The following EIPR1 variants were observed in gnomAD, a reference collection of about 807,000 sequenced individuals.
The protein encoded by EIPR1 is EARP and GARP complex-interacting protein 1.
In EIPR1, 25 loss-of-function variants were observed where a neutral mutation model predicts 48.1. That is an observed-to-expected ratio of 0.52 (90% CI 0.38 to 0.73). EIPR1 has a LOEUF of 0.73. Among genes scored for constraint, EIPR1 ranks in the 30% least tolerant of loss-of-function variants. The pLI is 0.00. For synonymous variants in EIPR1, 204 were observed against 201.9 expected (o/e 1.01, Z -0.09); for missense variants, 415 against 506.2 (o/e 0.82, Z 1.73).
At chr2:3,330,893 C>CGTGT (rs1669871883) in intron 3 of EIPR1, among the ~76,000 whole-genome samples, 4 of 122,134 alleles carry the variant, frequency 3.3e-5, no homozygotes, top group East Asian at 3.3e-4. Flanking sequence ...GACAGGTGCA[C>CGTGT]ACACTCATGA....
At chr2:3,277,615 T>C (rs2103254473) in intron 3 of EIPR1, among the ~76,000 whole-genome samples, 1 of 152,328 alleles carries the variant, frequency 6.6e-6, no homozygotes, top group Non-Finnish European at 1.5e-5. Flanking sequence ...CTGGTTCCTT[T>C]TCTCATTAAT....
chr2:3,287,700 A>C (rs143683456), intron 3 of EIPR1, among the ~76,000 whole-genome samples: 1 of 130,338 alleles, frequency 7.7e-6, no homozygotes, highest in East Asian at 2.6e-4. Flanking sequence ...CAGAAAGCTC[A>C]TTCACCACGC....
intron 3 of EIPR1, among the ~76,000 whole-genome samples, chr2:3,303,775 A>G (rs955173036): frequency 9.2e-5 from 14 of 152,152 alleles, no homozygotes; most frequent in African/African-American, 3.4e-4. Context: ...TGCGCCCGGG[A>G]AGCTTCGCCC....
intron 5 of EIPR1, among the ~76,000 whole-genome samples, chr2:3,209,218 CCTT>C (rs1233554775): frequency 2.6e-5 from 4 of 152,158 alleles, no homozygotes; most frequent in East Asian, 3.9e-4. Flanking sequence ...CCTGGGGTCT[CCTT>C]CTGCCTCATT....
chr2:3,344,906 GT>G (rs1387366731), intron 2 of EIPR1, among the ~76,000 whole-genome samples: 2 of 151,964 alleles, frequency 1.3e-5, no homozygotes, highest in Non-Finnish European at 2.9e-5. Flanking sequence ...TCTTTTTCCA[GT>G]GCTTATGAGC....
chr2:3,217,222 G>A (rs1665669241), intron 4 of EIPR1, among the ~76,000 whole-genome samples: 1 of 152,188 alleles, frequency 6.6e-6, no homozygotes, highest in Admixed American at 6.5e-5. Flanking sequence ...ATAACCTAGG[G>A]CAGTTCGTTT....
Position 3,196,761 on chromosome 2 carries a change from G to C in EIPR1, c.653+120C>G, listed in dbSNP as rs535265759. 9.3e-6 allele frequency: 13 copies of C among 1,391,914 alleles called. No homozygotes were observed. The African/African-American group carries it at 1.9e-4, about 20-fold the overall frequency. 86.2% of individuals were successfully genotyped at this position (1,391,914 alleles called of 1,614,324 possible). A position where few individuals can be genotyped will look rare whatever the true frequency, so the allele number is the denominator to read the frequency against. On this transcript the variant is annotated intron_variant, in intron 6 of 8. Transcript: ENST00000382125. The stretch of plus-strand genomic sequence containing the variant: ...GATTTATGATTTCCTACAAAAACGA[G>C]ATAAAGACAAACCATGCGCCCCCAA...
At chr2:3,363,546 G>T (rs531442350) in intron 1 of EIPR1, among the ~76,000 whole-genome samples, 1 of 151,980 alleles carries the variant, frequency 6.6e-6, no homozygotes, top group African/African-American at 2.4e-5. Context: ...AAATATAAAA[G>T]TCAGCCAAGT....
chr2:3,266,780 G>A (rs1667502463), intron 3 of EIPR1, among the ~76,000 whole-genome samples: 1 of 152,256 alleles, frequency 6.6e-6, no homozygotes, highest in African/African-American at 2.4e-5. Context: ...TAGCCCAGAT[G>A]GAGCTGCAGC....
chr2:3,280,711 GCTTCCACAATAT>G (rs1667989573), intron 3 of EIPR1, among the ~76,000 whole-genome samples: 1 of 152,208 alleles, frequency 6.6e-6, no homozygotes, highest in East Asian at 1.9e-4. Flanking sequence ...CACTGGCATG[GCTTCCACAATAT>G]GGCTCCTAGA....
In EIPR1 at chr2:3,202,575, G is replaced by C. The variant is rs375173303; in HGVS notation, c.517-5558C>G. Among the ~76,000 whole-genome samples, 5 of 152,340 alleles carry C rather than the reference G, an allele frequency of 3.3e-5. No homozygotes were observed. In the South Asian group the frequency reaches 1.0e-3, roughly 32 times the overall value. ...TTTAGAAGGTAATGCAAATTCGGCA[G>C]AGTGGCCTGGACAAGTTCTTGATGA... is the stretch of plus-strand genomic sequence containing the variant. On this transcript the variant is annotated intron_variant, in intron 5 of 8. Coordinates refer to ENST00000382125, the MANE Select transcript of EIPR1 (RefSeq NM_003310.5).
chr2:3,289,745 TACGCAATTCAC>T (rs1408057508), intron 3 of EIPR1, among the ~76,000 whole-genome samples: 4 of 152,224 alleles, frequency 2.6e-5, no homozygotes, highest in Admixed American at 2.6e-4. Flanking sequence ...AGACACATGA[TACGCAATTCAC>T]ACTTAGTGTC....
At chr2:3,229,589 ATGTTCACAG>A (rs1666173510) in intron 4 of EIPR1, among the ~76,000 whole-genome samples, 4 of 152,230 alleles carry the variant, frequency 2.6e-5, no homozygotes, top group Admixed American at 2.0e-4. Context: ...AGGCTGTTGA[ATGTTCACAG>A]TTCCTTTCAA....
At chr2:3,369,980 G>A (rs1319211424) in intron 1 of EIPR1, among the ~76,000 whole-genome samples, 1 of 145,708 alleles carries the variant, frequency 6.9e-6, no homozygotes, top group Non-Finnish European at 1.5e-5. Context: ...TAACTGGGAG[G>A]CACCCCCCCC....
Position 3,312,056 on chromosome 2 carries a change from A to T in EIPR1, c.259+25961T>A, listed in dbSNP as rs1304761351. Among the ~76,000 whole-genome samples, 1 of 152,142 alleles carries T rather than the reference A, an allele frequency of 6.6e-6. No individual in the cohort carries two copies. Among genetic ancestry groups the T allele is most frequent in the Non-Finnish European group, 1.5e-5 (1 of 68,018 alleles). ...TCCACCCTATAGCTTTCATTGACCC[A>T]AGATAACTGTGTGTTGGAGCCACAA... On this transcript the variant is annotated intron_variant, in intron 3 of 8. Coordinates refer to ENST00000382125, the MANE Select transcript of EIPR1 (RefSeq NM_003310.5). The surrounding 1 kb of genome is among the most constrained non-coding windows in gnomAD (Gnocchi z 5.5).
At chr2:3,369,080 G>A (rs897760006) in intron 1 of EIPR1, among the ~76,000 whole-genome samples, 1 of 152,088 alleles carries the variant, frequency 6.6e-6, no homozygotes, top group African/African-American at 2.4e-5. Context: ...CTGCAATGAT[G>A]GTTCTTCAAA....
intron 2 of EIPR1, among the ~76,000 whole-genome samples, chr2:3,341,392 G>C (rs1389769579): frequency 6.6e-6 from 1 of 152,184 alleles, no homozygotes; most frequent in Non-Finnish European, 1.5e-5. Flanking sequence ...ACGGGTGCAC[G>C]TGGGTGTGGG....
intron 3 of EIPR1, among the ~76,000 whole-genome samples, chr2:3,299,822 C>T (rs1360044210): frequency 6.6e-6 from 1 of 152,124 alleles, no homozygotes; most frequent in Admixed American, 6.6e-5. Context: ...AAGCTTGGTT[C>T]TCTAGGCAGT....
intron 3 of EIPR1, among the ~76,000 whole-genome samples, chr2:3,309,665 G>A (rs543243303): frequency 7.2e-5 from 11 of 152,248 alleles, no homozygotes; most frequent in South Asian, 6.2e-4. Context: ...AACAGTGGGC[G>A]AGGGAGGTGG....
Sources: allele counts gnomAD v4.1 joint callset (sites outside exome capture counted in the v4.1 genomes callset), GRCh38; gene constraint gnomAD v4.1.1; non-coding constraint Gnocchi (gnomAD v3.1); transcripts MANE v1.5; gene names NCBI Gene and HGNC (gene_info 2026-07-23, HGNC 2026-07-21).